Variants in PLEKHG4B observed in about 807,000 individuals in gnomAD.
PLEKHG4B encodes the protein pleckstrin homology domain-containing family G member 4B.
Under a neutral mutation model 121.3 loss-of-function variants are expected in PLEKHG4B, and 111 were observed. That is an observed-to-expected ratio of 0.92 (90% CI 0.78 to 1.07). The LOEUF (loss-of-function observed/expected upper bound fraction) is 1.07, where lower values mean the gene tolerates loss of function less well. Ranked by LOEUF, PLEKHG4B falls within the 50% of genes least tolerant of loss-of-function variation. The pLI, the probability that PLEKHG4B is intolerant of heterozygous loss-of-function variation, is 0.00. For missense variants in PLEKHG4B, 1,831 were observed against 1,757.8 expected (o/e 1.04, Z -0.74); for synonymous variants, 738 against 725.0 (o/e 1.02, Z -0.29).
chr5:122,110 A>C (rs1376099882), intron 2 of PLEKHG4B, among the ~76,000 whole-genome samples: 1 of 152,212 alleles, frequency 6.6e-6, no homozygotes, highest in Non-Finnish European at 1.5e-5. Flanking sequence ...GTTAGGCTGT[A>C]GTGAGTTAAA....
intron 1 of PLEKHG4B, among the ~76,000 whole-genome samples, chr5:108,423 A>G (rs1012571704): frequency 3.9e-5 from 6 of 152,394 alleles, no homozygotes; most frequent in African/African-American, 1.2e-4. Context: ...TCAAGAATCC[A>G]AAATACACAG....
chr5:164,709 C>CAG (rs151261760), intron 13 of PLEKHG4B, among the ~76,000 whole-genome samples: 17,731 of 65,008 alleles, frequency 0.27, 4,630 homozygotes, highest in South Asian at 0.4. Context: ...AATGCTCTGA[C>CAG]GGGGCGGAGC....
intron 2 of PLEKHG4B, among the ~76,000 whole-genome samples, chr5:125,904 A>G (rs1161289006): frequency 6.6e-6 from 1 of 152,088 alleles, no homozygotes; most frequent in Non-Finnish European, 1.5e-5. Flanking sequence ...TTTTTCTTTT[A>G]TCATTTTGAA....
At chr5:121,487 C>G (rs1258050818) in intron 2 of PLEKHG4B, among the ~76,000 whole-genome samples, 1 of 152,032 alleles carries the variant, frequency 6.6e-6, no homozygotes, top group East Asian at 1.9e-4. Context: ...TGTATAGTTG[C>G]ATTCACAGAA....
intron 2 of PLEKHG4B, among the ~76,000 whole-genome samples, chr5:129,904 T>C (rs996001026): frequency 6.6e-6 from 1 of 152,128 alleles, no homozygotes; most frequent in South Asian, 2.1e-4. Flanking sequence ...CAACTTAGAA[T>C]GTTGCAAAGT....
intron 13 of PLEKHG4B, among the ~76,000 whole-genome samples, chr5:164,899 GTAATGCTGTGACGGGGCGGAGCTCACAC>G (rs1736241075): frequency 4.4e-5 from 1 of 22,776 alleles, no homozygotes; most frequent in African/African-American, 1.4e-4. Flanking sequence ...AGCTCACACA[GTAATGCTGTGACGGGGCGGAGCTCACAC>G]TAATGCTGTG....
intron 1 of PLEKHG4B, among the ~76,000 whole-genome samples, chr5:94,486 G>T (rs970552977): frequency 7.1e-6 from 1 of 141,672 alleles, no homozygotes. Flanking sequence ...TGGCGGGGCT[G>T]GAGGGGGTTG....
At chr5:144,391 G>A (rs1269679051) in intron 5 of PLEKHG4B, among the ~76,000 whole-genome samples, 1 of 152,180 alleles carries the variant, frequency 6.6e-6, no homozygotes, top group Non-Finnish European at 1.5e-5. Context: ...GGATAAGTAA[G>A]GACCCTCCTG....
chr5:100,268 A>G (rs1733765287), intron 1 of PLEKHG4B, among the ~76,000 whole-genome samples: 1 of 152,208 alleles, frequency 6.6e-6, no homozygotes. Flanking sequence ...AGGCCAAAAT[A>G]TAAAATTACT....
intron 13 of PLEKHG4B, among the ~76,000 whole-genome samples, chr5:165,074 G>C (rs984125339): frequency 4.1e-4 from 43 of 104,508 alleles, no homozygotes; most frequent in Middle Eastern, 8.5e-3. Flanking sequence ...TCACACTAAT[G>C]CTCTGACGGG....
At chr5:96,190 G>A (rs1342056519) in intron 1 of PLEKHG4B, among the ~76,000 whole-genome samples, 1 of 152,188 alleles carries the variant, frequency 6.6e-6, no homozygotes, top group Non-Finnish European at 1.5e-5. Context: ...GGGAGGGGAA[G>A]GCCCTGGTCC....
chr5:164,010 C>G (rs1397747874), intron 13 of PLEKHG4B, among the ~76,000 whole-genome samples: 4 of 152,272 alleles, frequency 2.6e-5, no homozygotes, highest in African/African-American at 4.8e-5. Context: ...GACGCGTCCA[C>G]TCATTGGTAA....
At chr5:180,561 G>C (rs988767216) in intron 18 of PLEKHG4B, among the ~76,000 whole-genome samples, 1 of 152,218 alleles carries the variant, frequency 6.6e-6, no homozygotes, top group Non-Finnish European at 1.5e-5. Context: ...TTGGCCCTTT[G>C]AGGCTAGATT....
chr5:139,561 T>C lies in PLEKHG4B; in HGVS notation c.322T>C (p.Ser108Pro). Reference sequence around the variant, plus strand: ...TGAGAAGGTGGTGGTGCAGCTGGCGTCCCTGCACGGAGTCAGGCTCCAGCC... The same window carrying C: ...TGAGAAGGTGGTGGTGCAGCTGGCGCCCCTGCACGGAGTCAGGCTCCAGCC... ...AHEKVVVQLA[S>P]LHGVRLQPGD... Residue 108 changes from serine to proline, a missense_variant, in exon 3 of 20, where the codon TCC becomes CCC. By Grantham distance (74) the Ser-to-Pro change is moderately conservative (BLOSUM62 -1). Coordinates refer to ENST00000637938, the MANE Select transcript of PLEKHG4B (RefSeq NM_052909.5). The surrounding 1 kb of genome is among the most constrained non-coding windows in gnomAD (Gnocchi z 5.0). 1 of 398,972 alleles carries C rather than the reference T, an allele frequency of 2.5e-6. No individual in the cohort carries two copies. Among genetic ancestry groups the C allele is most frequent in the Non-Finnish European group, 4.4e-6 (1 of 226,168 alleles). The allele number at this position is 398,972 out of a possible 1,614,324, so 24.7% of individuals were successfully genotyped here.
At chr5:146,588 TC>T (rs1735424958) in intron 6 of PLEKHG4B, among the ~76,000 whole-genome samples, 1 of 37,438 alleles carries the variant, frequency 2.7e-5, no homozygotes, top group Admixed American at 2.8e-4. Flanking sequence ...CCTCCTCTCC[TC>T]CCCCAGAGTC....
intron 3 of PLEKHG4B, among the ~76,000 whole-genome samples, chr5:141,694 T>C (rs1486043085): frequency 1.3e-5 from 2 of 150,782 alleles, no homozygotes; most frequent in Admixed American, 6.6e-5. Context: ...AATGACAACA[T>C]ATTTCTTAAA....
chr5:152,407 T>C (rs1409475572), intron 7 of PLEKHG4B, among the ~76,000 whole-genome samples: 1 of 151,558 alleles, frequency 6.6e-6, no homozygotes, highest in Non-Finnish European at 1.5e-5. Context: ...GACAGGTTCT[T>C]GCTATGTTGC....
At chr5:151,358 A>C (rs1276852455) in intron 6 of PLEKHG4B, among the ~76,000 whole-genome samples, 155 bp from the exon 7 acceptor site, 1 of 152,194 alleles carries the variant, frequency 6.6e-6, no homozygotes, top group East Asian at 1.9e-4. Context: ...AGGGCAAATA[A>C]TTTACATTTC....
At position 140,502 on chromosome 5, in the gene PLEKHG4B, C is replaced by T. The variant is rs1291196899; in HGVS notation, c.1263C>T (p.Pro421=). The T allele has an allele frequency of 1.3e-6, 2 of 1,596,424 alleles. No homozygotes were observed. The highest frequency in any genetic ancestry group is 2.3e-5 in the East Asian group (1 of 44,022). ...TPSLEKERHT[P]SRTGPGAAGR... ...GTCTAGAGAAGGAGAGGCACACACCCAGCCGGACAGGTCCAGGAGCTGCAG... is the reference window on the plus strand; with the variant it reads ...GTCTAGAGAAGGAGAGGCACACACCTAGCCGGACAGGTCCAGGAGCTGCAG... Residue 421 remains proline (P), a synonymous_variant, in exon 3 of 20, where the codon CCC becomes CCT. Transcript: ENST00000637938.
Sources: gnomAD v4.1 joint callset for allele counts (sites outside exome capture counted in the v4.1 genomes callset) on GRCh38, gnomAD v4.1.1 for gene constraint, Gnocchi (gnomAD v3.1) non-coding constraint, MANE v1.5 for transcripts, NCBI Gene and HGNC (gene_info 2026-07-23, HGNC 2026-07-21) for gene names.